Variants in ACAD10 observed in about 807,000 individuals in gnomAD.
The protein encoded by ACAD10 is ACAD-10.
In ACAD10, 112 loss-of-function variants were observed where a neutral mutation model predicts 116.8. The observed-to-expected ratio is 0.96, with a 90% CI of 0.82 to 1.12. The LOEUF is 1.12. Ranked by LOEUF, ACAD10 falls within the 50% of genes most tolerant of loss-of-function variation. The pLI is 0.00. For synonymous variants in ACAD10, 486 were observed against 510.6 expected (o/e 0.95, Z 0.65); for missense variants, 1,259 against 1,350.2 (o/e 0.93, Z 1.06).
chr12:111,701,272 A>G (rs1420674981), intron 2 of ACAD10, among the ~76,000 whole-genome samples: 3 of 152,214 alleles, frequency 2.0e-5, no homozygotes, highest in African/African-American at 7.2e-5. Context: ...GCAACTGTGG[A>G]TGAGGAGAAA....
chr12:111,745,263 C>G, intron 13 of ACAD10: 1 of 573,488 alleles, frequency 1.7e-6, no homozygotes, highest in Non-Finnish European at 3.0e-6. Flanking sequence ...TCAGGTGTGA[C>G]TGCACAGCCC....
In ACAD10 at chr12:111,733,915, C is replaced by T. The variant is rs1368113937; in HGVS notation, c.1395-8C>T. ...AGTGCTGTCTCTATTCCTCCTGCGACTTTTCAGGCTCGACAACCTGGTGTT... is the reference window on the plus strand; with the variant it reads ...AGTGCTGTCTCTATTCCTCCTGCGATTTTTCAGGCTCGACAACCTGGTGTT... On this transcript the variant is annotated splice_region_variant and splice_polypyrimidine_tract_variant and intron_variant, in intron 10 of 20. Coordinates refer to ENST00000313698, the MANE Select transcript of ACAD10 (RefSeq NM_025247.6). The T allele has an allele frequency of 6.2e-7, 1 of 1,614,072 alleles. No individual in the cohort carries two copies. The highest frequency in any genetic ancestry group is 8.5e-7 in the Non-Finnish European group (1 of 1,180,058).
At chr12:111,687,214 A>G (rs1254117385) in intron 1 of ACAD10, among the ~76,000 whole-genome samples, 3 of 152,144 alleles carry the variant, frequency 2.0e-5, no homozygotes, top group Non-Finnish European at 4.4e-5. Context: ...ATGTGTGTGT[A>G]TCTGGACTAT....
intron 5 of ACAD10, 32 bp downstream of exon 5, chr12:111,709,716 A>G (rs1333968376): frequency 1.3e-6 from 2 of 1,573,160 alleles, no homozygotes; most frequent in South Asian, 1.2e-5. Context: ...ACTCCCTCCC[A>G]TGCACCAGCC....
At chr12:111,697,666 A>G (rs80337947) in intron 2 of ACAD10, among the ~76,000 whole-genome samples, 1 of 145,896 alleles carries the variant, frequency 6.9e-6, no homozygotes, top group Non-Finnish European at 1.5e-5. Context: ...CTCACTGCAA[A>G]CTTCGCCTCC....
intron 11 of ACAD10, 140 bp downstream of exon 11, chr12:111,734,208 G>C: frequency 5.8e-6 from 7 of 1,206,196 alleles, no homozygotes; most frequent in Non-Finnish European, 7.0e-6. Flanking sequence ...AACATAACTA[G>C]AATGCAGTCC....
At chr12:111,728,479 G>C (rs1889288908) in intron 9 of ACAD10, among the ~76,000 whole-genome samples, 1 of 151,400 alleles carries the variant, frequency 6.6e-6, no homozygotes, top group Admixed American at 6.6e-5. Flanking sequence ...CTGACCATAG[G>C]TATTTAAAAT....
chr12:111,715,550 G>A (rs1227055552), intron 6 of ACAD10: 2 of 389,414 alleles, frequency 5.1e-6, no homozygotes, highest in African/African-American at 4.0e-5. Flanking sequence ...GGACAAAATT[G>A]GACACCTGCA....
Position 111,747,326 on chromosome 12 carries a change from C to T in ACAD10, c.2426C>T (p.Ala809Val). ...TCTTCAGATGCCACCAACATTGAGG[C>T]TTCCATCAGAGAGGAGGACAGCTTC... ...VASSDATNIE[A>V]SIREEDSFYV... is the part of the protein sequence containing the mutation. The change falls in exon 16 of 21, where the codon GCT (alanine) becomes GTT (valine). Residue 809 changes from alanine to valine, a missense_variant. Ala to Val is a moderately conservative substitution (Grantham distance 64). Transcript: ENST00000313698. 3 of 1,614,172 alleles carry T rather than the reference C, an allele frequency of 1.9e-6. No homozygotes were observed. The highest frequency in any genetic ancestry group is 2.5e-6 in the Non-Finnish European group (3 of 1,180,026).
chr12:111,724,600 G>A (rs1055285229), intron 8 of ACAD10, among the ~76,000 whole-genome samples: 1 of 152,202 alleles, frequency 6.6e-6, no homozygotes, highest in Non-Finnish European at 1.5e-5. Flanking sequence ...GTTAGGGGCT[G>A]GAGACCGGCC....
Position 111,744,966 on chromosome 12 carries a change from C to A in ACAD10, c.2038C>A (p.Pro680Thr). 6.2e-7 allele frequency: 1 copy of A among 1,614,150 alleles called. No individual in the cohort carries two copies. Among genetic ancestry groups the A allele is most frequent in the African/African-American group, 1.3e-5 (1 of 75,046 alleles). ...GCACTTCATGGAGCAACGTGTGTAC[C>A]CTGCAGAGCCAGAGCTGCAGAGTCA... ...LKHFMEQRVY[P>T]AEPELQSHQA... is the part of the protein sequence containing the mutation. Residue 680 changes from proline (P) to threonine (T), a missense_variant, in exon 13 of 21, where the codon CCT (proline) becomes ACT (threonine). Pro to Thr is a conservative substitution (Grantham distance 38, BLOSUM62 -1). Coordinates refer to ENST00000313698, the MANE Select transcript of ACAD10 (RefSeq NM_025247.6).
At chr12:111,704,933 T>A (rs894627618) in intron 3 of ACAD10, among the ~76,000 whole-genome samples, 2 of 151,572 alleles carry the variant, frequency 1.3e-5, no homozygotes, top group Non-Finnish European at 2.9e-5. Flanking sequence ...GTGATCTGCC[T>A]GCCTCAGCCT....
chr12:111,692,572 T>C, intron 1 of ACAD10, 125 bp from the exon 2 acceptor site: 1 of 903,634 alleles, frequency 1.1e-6, no homozygotes, highest in Non-Finnish European at 1.7e-6. Context: ...CAGTTGTGGG[T>C]GTGATTCGAA....
At chr12:111,711,431 G>A (rs1002678391) in intron 5 of ACAD10, among the ~76,000 whole-genome samples, 3 of 151,898 alleles carry the variant, frequency 2.0e-5, no homozygotes, top group Non-Finnish European at 4.4e-5. Context: ...TCGATCTCTC[G>A]ATCTCCTGAC....
chr12:111,733,756 G>A, intron 10 of ACAD10, 167 bp from the exon 11 acceptor site: 1 of 713,084 alleles, frequency 1.4e-6, no homozygotes, highest in East Asian at 2.6e-5. Flanking sequence ...CTGGAAGCCA[G>A]AGGGCAAGGG....
chr12:111,704,688 C>CTTTTT (rs59745029), intron 3 of ACAD10, among the ~76,000 whole-genome samples: 53 of 126,114 alleles, frequency 4.2e-4, no homozygotes, highest in East Asian at 1.2e-3. Context: ...TTCTTTCTTT[C>CTTTTT]TTTTTTTTTT....
chr12:111,755,147 G>C (rs990194827), intron 19 of ACAD10, among the ~76,000 whole-genome samples: 4 of 152,160 alleles, frequency 2.6e-5, no homozygotes, highest in African/African-American at 9.7e-5. Flanking sequence ...CGGTGGCCCA[G>C]GCTGGAGTAG....
chr12:111,702,516 G>A lies in ACAD10; in HGVS notation c.336+206G>A, dbSNP rs565649074. 4.6e-5 allele frequency among the ~76,000 whole-genome samples: 7 copies of A among 152,152 alleles called. No homozygotes were observed. The South Asian group carries it at 1.5e-3, about 32-fold the overall frequency. On this transcript the variant is annotated intron_variant, in intron 3 of 20. Coordinates refer to ENST00000313698, the MANE Select transcript of ACAD10 (RefSeq NM_025247.6). ...GAGGCCCAGGGGGTGGATCACCTGA[G>A]GTCAGGAGTTCGAGACCAGCCTGGC...
intron 1 of ACAD10, among the ~76,000 whole-genome samples, chr12:111,689,319 CTG>C (rs1415850088): frequency 6.6e-6 from 1 of 151,308 alleles, no homozygotes; most frequent in Non-Finnish European, 1.5e-5. Context: ...AGTTGTTAAC[CTG>C]TATTTTTTGT....
Sources: allele counts gnomAD v4.1 joint callset (sites outside exome capture counted in the v4.1 genomes callset), GRCh38; gene constraint gnomAD v4.1.1; transcripts MANE v1.5; gene names NCBI Gene and HGNC (gene_info 2026-07-23, HGNC 2026-07-21).